The following LSAMP variants were observed in gnomAD, a reference collection of about 807,000 sequenced individuals.
The protein encoded by LSAMP is limbic system-associated membrane protein.
Under a neutral mutation model 38.6 loss-of-function variants are expected in LSAMP, and 7 were observed. The observed-to-expected ratio is 0.18, with a 90% CI of 0.10 to 0.34. The LOEUF is 0.34. Among genes scored for constraint, LSAMP ranks in the 10% least tolerant of loss-of-function variants. The pLI is 1.00. For missense variants in LSAMP, 313 were observed against 420.0 expected, an observed-to-expected ratio of 0.75 and a Z score of 2.23; for synonymous variants, 154 against 166.8, an observed-to-expected ratio of 0.92 and a Z score of 0.59.
chr3:116,182,735 A>C (rs946029726), intron 1 of LSAMP, among the ~76,000 whole-genome samples: 1 of 151,912 alleles, frequency 6.6e-6, no homozygotes, highest in African/African-American at 2.4e-5. Flanking sequence ...TCTGATTCCC[A>C]TAACAGACCT....
chr3:116,372,259 A>G (rs2048439042), intron 1 of LSAMP, among the ~76,000 whole-genome samples: 1 of 152,026 alleles, frequency 6.6e-6, no homozygotes. Context: ...CCCCAAAATA[A>G]AGCTTTGCCT....
At chr3:116,057,624 T>G (rs1941512978) in intron 2 of LSAMP, among the ~76,000 whole-genome samples, 1 of 152,120 alleles carries the variant, frequency 6.6e-6, no homozygotes, top group African/African-American at 2.4e-5. Context: ...AGGTTGGCTC[T>G]TTTTTCTTCT....
In LSAMP at chr3:116,171,329, G is replaced by A. The variant is rs73140931; in HGVS notation, c.156-84773C>T. Among the ~76,000 whole-genome samples, 293 of 152,246 alleles carry A rather than the reference G, an allele frequency of 1.9e-3. 1 individual carries two copies. The highest frequency in any genetic ancestry group is 3.5e-3 in the Non-Finnish European group (239 of 68,006). ...GATTAATAAGACTATATTAGCTAGA[G>A]ATGAGATCACATTTCATTGAATCAT... On this transcript the variant is annotated intron_variant, in intron 1 of 6. Transcript: ENST00000490035.
At chr3:116,352,832 A>G (rs762793533) in intron 1 of LSAMP, among the ~76,000 whole-genome samples, 6 of 152,092 alleles carry the variant, frequency 3.9e-5, no homozygotes, top group Non-Finnish European at 8.8e-5. Flanking sequence ...GCATATTTAT[A>G]TAGGGTTATT....
intron 1 of LSAMP, among the ~76,000 whole-genome samples, chr3:116,147,452 T>C (rs1709515801): frequency 1.3e-5 from 2 of 151,964 alleles, no homozygotes; most frequent in Non-Finnish European, 1.5e-5. Context: ...TTCTAATTAA[T>C]AGTCTTTTAA....
intron 6 of LSAMP, among the ~76,000 whole-genome samples, chr3:115,825,396 CATT>C (rs1302494511): frequency 1.3e-5 from 2 of 152,180 alleles, no homozygotes; most frequent in African/African-American, 2.4e-5. Flanking sequence ...CCAAATATAA[CATT>C]ATAGCCAGGT....
At chr3:116,365,697 G>C (rs2048341382) in intron 1 of LSAMP, among the ~76,000 whole-genome samples, 1 of 87,686 alleles carries the variant, frequency 1.1e-5, no homozygotes, top group Non-Finnish European at 2.0e-5. Context: ...AAAATGATGA[G>C]TTCATATCCT....
chr3:116,262,183 A>AAAAG (rs1240268546), intron 1 of LSAMP, among the ~76,000 whole-genome samples: 1 of 152,192 alleles, frequency 6.6e-6, no homozygotes, highest in Admixed American at 6.5e-5. Flanking sequence ...TATTAAAAAG[A>AAAAG]AAAGACATTC....
chr3:116,266,211 A>G (rs1219765983), intron 1 of LSAMP, among the ~76,000 whole-genome samples: 1 of 152,092 alleles, frequency 6.6e-6, no homozygotes, highest in Non-Finnish European at 1.5e-5. Context: ...TAATTATCAC[A>G]CCACGTAACT....
intron 1 of LSAMP, among the ~76,000 whole-genome samples, chr3:116,168,535 G>C (rs1710117735): frequency 6.6e-6 from 1 of 152,162 alleles, no homozygotes; most frequent in Non-Finnish European, 1.5e-5. Flanking sequence ...TCCCCCAAAA[G>C]TCCTGTGGAG....
intron 1 of LSAMP, among the ~76,000 whole-genome samples, chr3:116,400,115 A>G (rs963717073): frequency 6.6e-6 from 1 of 152,030 alleles, no homozygotes; most frequent in Non-Finnish European, 1.5e-5. Flanking sequence ...AAACCCCTAA[A>G]TTTCCTTGAT....
At chr3:116,310,387 T>C (rs532696901) in intron 1 of LSAMP, among the ~76,000 whole-genome samples, 3 of 152,298 alleles carry the variant, frequency 2.0e-5, no homozygotes, top group East Asian at 3.9e-4. Flanking sequence ...TTCTGGAAGG[T>C]GCCGATTCTC....
chr3:116,101,232 G>C (rs944167025), intron 1 of LSAMP, among the ~76,000 whole-genome samples: 8 of 152,204 alleles, frequency 5.3e-5, no homozygotes, highest in Non-Finnish European at 1.0e-4. Context: ...TCCAAGTGGT[G>C]TTGAAAGCGG....
chr3:115,893,721 CAATT>C (rs111393280), intron 3 of LSAMP, among the ~76,000 whole-genome samples: 6,102 of 151,912 alleles, frequency 0.04, 385 homozygotes, highest in African/African-American at 0.14. Flanking sequence ...GTATATCAGG[CAATT>C]AATTCATAAA....
At chr3:116,166,693 T>G (rs1460761801) in intron 1 of LSAMP, among the ~76,000 whole-genome samples, 1 of 152,056 alleles carries the variant, frequency 6.6e-6, no homozygotes, top group Non-Finnish European at 1.5e-5. Flanking sequence ...TATATACATT[T>G]AGAATCCATT....
At chr3:116,329,508 T>C (rs2047821193) in intron 1 of LSAMP, among the ~76,000 whole-genome samples, 1 of 152,078 alleles carries the variant, frequency 6.6e-6, no homozygotes, top group Non-Finnish European at 1.5e-5. Flanking sequence ...TGGACTTTTG[T>C]TTGTTTGCTA....
intron 1 of LSAMP, among the ~76,000 whole-genome samples, chr3:116,143,573 C>A (rs1413324461): frequency 6.6e-6 from 1 of 151,824 alleles, no homozygotes; most frequent in Non-Finnish European, 1.5e-5. Flanking sequence ...TCTCATTACC[C>A]CATAAATGTA....
chr3:116,180,298 A>G (rs1012569048), intron 1 of LSAMP, among the ~76,000 whole-genome samples: 1 of 152,194 alleles, frequency 6.6e-6, no homozygotes, highest in African/African-American at 2.4e-5. Context: ...TAAAGGAAAG[A>G]CACACAAAAT....
chr3:116,248,135 T>C (rs1406453488), intron 1 of LSAMP, among the ~76,000 whole-genome samples: 1 of 152,196 alleles, frequency 6.6e-6, no homozygotes, highest in African/African-American at 2.4e-5. Context: ...ATAAATGCCC[T>C]ATTTCTACAA....
Sources: gnomAD v4.1 joint callset for allele counts (sites outside exome capture counted in the v4.1 genomes callset) on GRCh38, gnomAD v4.1.1 for gene constraint, MANE v1.5 for transcripts, NCBI Gene and HGNC (gene_info 2026-07-23, HGNC 2026-07-21) for gene names.